TRIM24: variants seen among roughly 807,000 people sequenced by gnomAD.
The protein encoded by TRIM24 is transcription intermediary factor 1-alpha.
Under a neutral mutation model 123.9 loss-of-function variants are expected in TRIM24, and 29 were observed. The ratio of observed to expected loss-of-function variants is 0.23; its 90% confidence interval spans 0.17 to 0.32. The LOEUF (loss-of-function observed/expected upper bound fraction) is 0.32, where lower values mean the gene tolerates loss of function less well. Ranked by LOEUF, TRIM24 falls within the 10% of genes least tolerant of loss-of-function variation. TRIM24 has a pLI of 1.00. For synonymous variants in TRIM24, 456 were observed against 461.1 expected (o/e 0.99, Z 0.14); for missense variants, 932 against 1,295.3 (o/e 0.72, Z 4.31).
At chr7:138,543,937 C>A (rs148758590) in intron 7 of TRIM24, among the ~76,000 whole-genome samples, 10 of 152,184 alleles carry the variant, frequency 6.6e-5, no homozygotes, top group Admixed American at 6.5e-4. Flanking sequence ...TAGGCTCAAG[C>A]GAGCCTTTTG....
At position 138,519,202 on chromosome 7, in the gene TRIM24, C is replaced by T. The variant is rs1381835070; in HGVS notation, c.645C>T (p.Val215=). Residue 215 remains valine (V), a synonymous_variant, in exon 4 of 19, where the codon GTC becomes GTT. Transcript: ENST00000343526. ...TTGTTTCTGCAGAGGCAGTTGGTGTCACCAGCCAGCGACCAGTGTTTTGTC... is the reference window on the plus strand; with the variant it reads ...TTGTTTCTGCAGAGGCAGTTGGTGTTACCAGCCAGCGACCAGTGTTTTGTC... ...KEEVSPEAVG[V]TSQRPVFCPF... 3.7e-6 allele frequency: 6 copies of T among 1,613,976 alleles called. No homozygotes were observed. Among genetic ancestry groups the T allele is most frequent in the African/African-American group, 1.3e-5 (1 of 74,920 alleles).
rs764136913 is a variant in TRIM24, at chr7:138,567,574, C to A, written c.1624C>A (p.Pro542Thr). The A allele has an allele frequency of 4.3e-6, 7 of 1,614,026 alleles. No individual in the cohort carries two copies. The highest frequency in any genetic ancestry group is 5.1e-6 in the Non-Finnish European group (6 of 1,179,956). Residue 542 changes from proline to threonine, a missense_variant, in exon 10 of 19, where the codon CCA becomes ACA. By Grantham distance (38) the Pro-to-Thr change is conservative (BLOSUM62 -1). Coordinates refer to ENST00000343526, the MANE Select transcript of TRIM24 (RefSeq NM_015905.3). ...TCATCCTCAACAACTGAGATATCCA[C>A]CAAACCAGAACATACCACGACAAGC... Reference protein sequence around the residue: ...PPHPQQLRYPPNQNIPRQAIK... With the variant: ...PPHPQQLRYPTNQNIPRQAIK...
At chr7:138,474,346 C>CT in intron 1 of TRIM24, among the ~76,000 whole-genome samples, 1 of 151,644 alleles carries the variant, frequency 6.6e-6, no homozygotes, top group African/African-American at 2.4e-5. Flanking sequence ...AGGATGGTCT[C>CT]TATCTCCTGA....
intron 6 of TRIM24, among the ~76,000 whole-genome samples, chr7:138,534,096 T>G (rs1584724287): frequency 1.3e-5 from 2 of 151,882 alleles, no homozygotes; most frequent in African/African-American, 4.9e-5. Context: ...TCTGTTTGAT[T>G]GTTCTCTGTT....
At chr7:138,531,180 TATGTATATGTATAC>T (rs1179170825) in intron 6 of TRIM24, among the ~76,000 whole-genome samples, 1 of 113,988 alleles carries the variant, frequency 8.8e-6, no homozygotes, top group Non-Finnish European at 1.9e-5. Context: ...AACGTGCACA[TATGTATATGTATAC>T]ATGTATACAT....
chr7:138,574,824 G>A (rs916598345), intron 12 of TRIM24, among the ~76,000 whole-genome samples: 2 of 152,044 alleles, frequency 1.3e-5, no homozygotes, highest in Non-Finnish European at 2.9e-5. Context: ...TAGGATATTT[G>A]CTTCAAGGGG....
At chr7:138,507,946 A>T (rs2883144) in intron 2 of TRIM24, among the ~76,000 whole-genome samples, 6,694 of 151,344 alleles carry the variant, frequency 0.044, 458 homozygotes, top group African/African-American at 0.15. Flanking sequence ...AAAAAAAAAA[A>T]TTTTTTTTTA....
At chr7:138,565,930 T>C (rs1797525953) in intron 9 of TRIM24, among the ~76,000 whole-genome samples, 1 of 152,044 alleles carries the variant, frequency 6.6e-6, no homozygotes, top group East Asian at 1.9e-4. Flanking sequence ...AACTTGGAAA[T>C]TGAGTAATGG....
At chr7:138,561,749 G>C (rs1797432845) in intron 9 of TRIM24, among the ~76,000 whole-genome samples, 1 of 152,160 alleles carries the variant, frequency 6.6e-6, no homozygotes, top group Non-Finnish European at 1.5e-5. Context: ...AGAAAGAAAG[G>C]CTTAGTTAGA....
intron 2 of TRIM24, among the ~76,000 whole-genome samples, chr7:138,512,157 A>G (rs999500450): frequency 2.6e-5 from 4 of 152,178 alleles, no homozygotes; most frequent in Non-Finnish European, 5.9e-5. Context: ...GGGCTCCCAA[A>G]GCCTTGGGCA....
At chr7:138,582,088 A>G (rs1406802219) in intron 17 of TRIM24, among the ~76,000 whole-genome samples, 1 of 152,160 alleles carries the variant, frequency 6.6e-6, no homozygotes, top group African/African-American at 2.4e-5. Context: ...TTGGAAAAAA[A>G]ACTTTGAAAT....
chr7:138,465,738 A>T (rs533567883), intron 1 of TRIM24, among the ~76,000 whole-genome samples: 45 of 152,320 alleles, frequency 3.0e-4, no homozygotes, highest in South Asian at 4.1e-4. Flanking sequence ...TATATATATA[A>T]AAATATACAT....
At chr7:138,571,065 C>T (rs1797645630) in intron 11 of TRIM24, 62 bp downstream of exon 11, 3 of 1,536,438 alleles carry the variant, frequency 2.0e-6, no homozygotes, top group Middle Eastern at 3.8e-4. Flanking sequence ...TGCAGTGGCT[C>T]ACTCCTGTAA....
chr7:138,570,757 G>A lies in TRIM24; in HGVS notation c.1705-73G>A, dbSNP rs138074574. The stretch of plus-strand genomic sequence containing the variant: ...GTTGAACTCTTCTACTTCATTTTGT[G>A]TGAGTGATTACATAGATGTTGTATT... On this transcript the variant is annotated intron_variant, in intron 10 of 18. Transcript: ENST00000343526. 4.1e-3 allele frequency: 6,035 copies of A among 1,479,178 alleles called. 18 individuals carry two copies. Among genetic ancestry groups the A allele is most frequent in the Non-Finnish European group, 5.2e-3 (5,656 of 1,088,524 alleles). The allele number at this position is 1,479,178 out of a possible 1,614,324, so 91.6% of individuals were successfully genotyped here. A position where few individuals can be genotyped will look rare whatever the true frequency, so the allele number is the denominator to read the frequency against.
intron 15 of TRIM24, 85 bp downstream of exon 15, chr7:138,579,617 T>C: frequency 8.3e-7 from 1 of 1,199,150 alleles, no homozygotes; most frequent in Non-Finnish European, 1.2e-6. Context: ...AAAACTTAAA[T>C]GAAATTCCAC....
intron 1 of TRIM24, among the ~76,000 whole-genome samples, chr7:138,480,884 A>G (rs1795512114): frequency 1.3e-5 from 2 of 152,134 alleles, no homozygotes; most frequent in African/African-American, 2.4e-5. Context: ...AGCACTTTCC[A>G]TATCCATCAT....
chr7:138,541,812 G>A (rs891444594), intron 7 of TRIM24, among the ~76,000 whole-genome samples: 1 of 152,202 alleles, frequency 6.6e-6, no homozygotes. Flanking sequence ...AATGATCTTA[G>A]CTGTATCTTT....
chr7:138,576,981 G>A (rs1396621838), intron 13 of TRIM24, among the ~76,000 whole-genome samples: 1 of 152,176 alleles, frequency 6.6e-6, no homozygotes, highest in African/African-American at 2.4e-5. Context: ...TGAGAACATA[G>A]TGAATCTCTG....
chr7:138,578,087 C>G (rs1797801877), intron 14 of TRIM24, among the ~76,000 whole-genome samples: 1 of 151,884 alleles, frequency 6.6e-6, no homozygotes, highest in African/African-American at 2.4e-5. Flanking sequence ...CATAGGACTC[C>G]CAAGGGAGAA....
Sources: gnomAD v4.1 joint callset for allele counts (sites outside exome capture counted in the v4.1 genomes callset) on GRCh38, gnomAD v4.1.1 for gene constraint, MANE v1.5 for transcripts, NCBI Gene and HGNC (gene_info 2026-07-23, HGNC 2026-07-21) for gene names.